Variants in SHISA9 observed in about 807,000 individuals in gnomAD.
SHISA9 encodes shisa family member 9, also known as protein shisa-9.
SHISA9 carries 13 observed loss-of-function variants against 38.0 expected under a neutral mutation model. The ratio of observed to expected loss-of-function variants is 0.34; its 90% confidence interval spans 0.22 to 0.54. SHISA9 has a LOEUF of 0.54. Ranked by LOEUF, SHISA9 falls within the 20% of genes least tolerant of loss-of-function variation. The pLI is 0.91. For missense variants in SHISA9, 538 were observed against 575.8 expected (o/e 0.93, Z 0.67); for synonymous variants, 275 against 242.0 (o/e 1.14, Z -1.27).
the SHISA9 span, among the ~76,000 whole-genome samples, chr16:13,322,885 C>A: frequency 6.6e-6 from 1 of 152,132 alleles, no homozygotes; most frequent in African/African-American, 2.4e-5. Flanking sequence ...GATACTACCA[C>A]CCAATAAAAT....
At chr16:13,045,912 C>T (rs553837372) in intron 2 of SHISA9, among the ~76,000 whole-genome samples, 2 of 152,224 alleles carry the variant, frequency 1.3e-5, no homozygotes, top group Admixed American at 6.5e-5. Flanking sequence ...TTAAGTCAGA[C>T]CTTTTGACGA....
At chr16:13,550,116 G>A in the SHISA9 span, among the ~76,000 whole-genome samples, 2 of 152,008 alleles carry the variant, frequency 1.3e-5, no homozygotes, top group Non-Finnish European at 1.5e-5. Flanking sequence ...TCAGGAAAAG[G>A]GAACTACAGC....
chr16:13,402,431 G>A, the SHISA9 span, among the ~76,000 whole-genome samples: 3 of 151,932 alleles, frequency 2.0e-5, no homozygotes, highest in African/African-American at 4.8e-5. Flanking sequence ...AGAAGAGAGT[G>A]AATTCACCCT....
intron 2 of SHISA9, among the ~76,000 whole-genome samples, chr16:13,120,501 G>A (rs1300549496): frequency 6.6e-6 from 1 of 152,186 alleles, no homozygotes; most frequent in African/African-American, 2.4e-5. Context: ...GCTGGGGACT[G>A]AGAGAACATA....
intron 2 of SHISA9, among the ~76,000 whole-genome samples, chr16:13,062,074 T>G (rs1425812640): frequency 6.6e-6 from 1 of 152,198 alleles, no homozygotes; most frequent in Non-Finnish European, 1.5e-5. Flanking sequence ...CCAAGTCTGT[T>G]GCAGCTTGGG....
chr16:13,024,717 T>C (rs1033855136), intron 2 of SHISA9, among the ~76,000 whole-genome samples: 4 of 152,182 alleles, frequency 2.6e-5, no homozygotes, highest in African/African-American at 9.7e-5. Flanking sequence ...TACTGTAAAG[T>C]AGGGGGTGAC....
At chr16:13,486,986 G>A in the SHISA9 span, among the ~76,000 whole-genome samples, 2 of 152,338 alleles carry the variant, frequency 1.3e-5, no homozygotes, top group Middle Eastern at 3.4e-3. Context: ...TTACAAGCGT[G>A]AGCCACCGCA....
the SHISA9 span, among the ~76,000 whole-genome samples, chr16:13,400,363 AACACAC>A: frequency 2.0e-5 from 3 of 150,864 alleles, no homozygotes; most frequent in Non-Finnish European, 4.4e-5. Context: ...CCTCTGTTCC[AACACAC>A]ACACACACAC....
At chr16:13,542,952 C>T in the SHISA9 span, among the ~76,000 whole-genome samples, 1 of 152,198 alleles carries the variant, frequency 6.6e-6, no homozygotes, top group Non-Finnish European at 1.5e-5. Context: ...ACACTACCAG[C>T]TTAGCAACTC....
intron 2 of SHISA9, among the ~76,000 whole-genome samples, chr16:13,060,470 T>A (rs2073360975): frequency 6.6e-6 from 1 of 151,958 alleles, no homozygotes; most frequent in South Asian, 2.1e-4. Flanking sequence ...CAGAGGGTGA[T>A]GGTGAAGACT....
At chr16:13,410,814 C>T in the SHISA9 span, among the ~76,000 whole-genome samples, 1 of 152,256 alleles carries the variant, frequency 6.6e-6, no homozygotes, top group East Asian at 1.9e-4. Flanking sequence ...TATGAATACA[C>T]CTAGTGAAAA....
intron 2 of SHISA9, among the ~76,000 whole-genome samples, chr16:13,022,591 C>T (rs1029322981): frequency 2.6e-5 from 4 of 152,114 alleles, no homozygotes; most frequent in African/African-American, 9.7e-5. Flanking sequence ...TCGGGCCTCC[C>T]AGAGTGCTGG....
intron 2 of SHISA9, among the ~76,000 whole-genome samples, chr16:12,937,286 A>T (rs999440203): frequency 2.0e-5 from 3 of 152,218 alleles, no homozygotes; most frequent in African/African-American, 7.2e-5. Context: ...TAGAAAAGAA[A>T]GTAAAGCAAT....
At chr16:13,180,449 G>T (rs1489509202) in intron 2 of SHISA9, among the ~76,000 whole-genome samples, 2 of 152,186 alleles carry the variant, frequency 1.3e-5, no homozygotes, top group Non-Finnish European at 2.9e-5. Context: ...CGCAATCCCA[G>T]CACTTTGGGA....
At chr16:13,157,573 G>A (rs1402394284) in intron 2 of SHISA9, among the ~76,000 whole-genome samples, 1 of 152,212 alleles carries the variant, frequency 6.6e-6, no homozygotes, top group Non-Finnish European at 1.5e-5. Flanking sequence ...AAAACAGGAT[G>A]TGGTACATAT....
chr16:13,547,993 G>C, the SHISA9 span, among the ~76,000 whole-genome samples: 3 of 152,222 alleles, frequency 2.0e-5, no homozygotes, highest in Admixed American at 6.5e-5. Context: ...ATGCAAAATA[G>C]CATGATACTG....
At chr16:13,390,429 C>A in the SHISA9 span, among the ~76,000 whole-genome samples, 1 of 152,194 alleles carries the variant, frequency 6.6e-6, no homozygotes, top group Admixed American at 6.5e-5. Context: ...TTCTCTGCAT[C>A]TGGGTGGCTG....
chr16:13,551,693 G>C, the SHISA9 span, among the ~76,000 whole-genome samples: 1 of 152,140 alleles, frequency 6.6e-6, no homozygotes, highest in African/African-American at 2.4e-5. Context: ...TAGACACAAA[G>C]GGGCTTCATA....
intron 3 of SHISA9, among the ~76,000 whole-genome samples, chr16:13,207,082 G>T (rs971422022): frequency 1.3e-5 from 2 of 152,170 alleles, no homozygotes; most frequent in Admixed American, 6.5e-5. Flanking sequence ...TGGCCAATAT[G>T]GCAAAACCCT....
Sources: allele counts gnomAD v4.1 joint callset (sites outside exome capture counted in the v4.1 genomes callset), GRCh38; gene constraint gnomAD v4.1.1; transcripts MANE v1.5; gene names NCBI Gene and HGNC (gene_info 2026-07-23, HGNC 2026-07-21).